The following CC2D1A variants were observed in gnomAD, a reference collection of about 807,000 sequenced individuals.
CC2D1A encodes coiled-coil and C2 domain-containing protein 1A.
In CC2D1A, 68 loss-of-function variants were observed where a neutral mutation model predicts 123.8. That is an observed-to-expected ratio of 0.55 (90% CI 0.45 to 0.67). CC2D1A has a LOEUF of 0.67. CC2D1A is among the 30% of genes least tolerant of loss of function. The pLI, the probability that CC2D1A is intolerant of heterozygous loss-of-function variation, is 0.00. For missense variants in CC2D1A, 1,185 were observed against 1,290.3 expected, an observed-to-expected ratio of 0.92 and a Z score of 1.25; for synonymous variants, 477 against 528.0, an observed-to-expected ratio of 0.90 and a Z score of 1.32.
Position 13,906,953 on chromosome 19 carries a change from A to G in CC2D1A, c.60+452A>G, listed in dbSNP as rs1568400023. On this transcript the variant is annotated intron_variant, in intron 1 of 28. Coordinates refer to ENST00000318003, the MANE Select transcript of CC2D1A (RefSeq NM_017721.5). This position sits in a 1 kb window ranked among gnomAD's most constrained non-coding sequence, Gnocchi z 4.1. The stretch of plus-strand genomic sequence containing the variant: ...TGGCACTGTGGCTGGACCCCTTCTC[A>G]CTCTCCCGACTTCTTTGCCCCAGGC... 6.6e-6 allele frequency among the ~76,000 whole-genome samples: 1 copy of G among 151,572 alleles called. No individual in the cohort carries two copies. The highest frequency in any genetic ancestry group is 2.4e-5 in the African/African-American group (1 of 41,184).
At chr19:13,927,443 T>A in intron 22 of CC2D1A, 178 bp downstream of exon 22, 1 of 604,762 alleles carries the variant, frequency 1.7e-6, no homozygotes, top group Admixed American at 2.8e-5. Context: ...CACTCCATTA[T>A]GATCAACTGG....
chr19:13,911,411 G>T (rs1391069361), intron 2 of CC2D1A, among the ~76,000 whole-genome samples: 1 of 152,186 alleles, frequency 6.6e-6, no homozygotes, highest in Non-Finnish European at 1.5e-5. Flanking sequence ...ACCTACCTAT[G>T]AAGGAGGAAC....
chr19:13,927,831 T>C, intron 22 of CC2D1A, 62 bp from the exon 23 acceptor site: 3 of 1,533,466 alleles, frequency 2.0e-6, no homozygotes. Flanking sequence ...TCCCTTGTCC[T>C]GGCCCTGGGC....
intron 24 of CC2D1A, among the ~76,000 whole-genome samples, chr19:13,928,529 C>T (rs1971738173): frequency 6.6e-6 from 1 of 151,676 alleles, no homozygotes; most frequent in African/African-American, 2.4e-5. Context: ...CTCTGCCCAC[C>T]TCTGATTCCT....
At position 13,928,023 on chromosome 19, in the gene CC2D1A, T is replaced by C. The variant is rs748880599; in HGVS notation, c.2447T>C (p.Val816Ala). ...WLVIDPVPAA[V>A]PTQVAGPKGK... ...GTCATTGACCCTGTGCCGGCAGCTG[T>C]GCCCACAGTGAGACCCCCCACCCCC... The change falls in exon 23 of 29, where the codon GTG becomes GCG. Residue 816 changes from valine (V) to alanine (A), a missense_variant. Coordinates refer to ENST00000318003, the MANE Select transcript of CC2D1A (RefSeq NM_017721.5). 2.3e-5 allele frequency: 37 copies of C among 1,613,410 alleles called. No homozygotes were observed. The highest frequency in any genetic ancestry group is 3.0e-5 in the Non-Finnish European group (35 of 1,179,804).
rs113178790 is a variant in CC2D1A, at chr19:13,923,290, T to C, written c.1642-43T>C. 6,122 of 1,574,782 alleles carry C rather than the reference T, an allele frequency of 3.9e-3. 185 individuals carry two copies. The African/African-American group carries it at 0.067, about 17-fold the overall frequency. ...ATTTCTGCAGAGCCCTAGGTGGGCC[T>C]GCTTGTCCTCCTTACCCCCGCCACC... On this transcript the variant is annotated intron_variant, in intron 14 of 28. Coordinates refer to ENST00000318003, the MANE Select transcript of CC2D1A (RefSeq NM_017721.5). The surrounding 1 kb of genome is among the most constrained non-coding windows in gnomAD (Gnocchi z 5.3).
intron 17 of CC2D1A, among the ~76,000 whole-genome samples, chr19:13,924,750 C>T (rs1300723226): frequency 2.0e-5 from 3 of 152,260 alleles, no homozygotes; most frequent in East Asian, 1.9e-4. Flanking sequence ...TGAGCCACTG[C>T]GTCCGGCCCA....
In CC2D1A at chr19:13,918,447, A is replaced by G; in HGVS notation, c.874-57A>G. ...GCATGGAAGGGCCCGGAGGCTCCCC[A>G]CAGGGTCCAAGCCCCCAACTGCACC... On this transcript the variant is annotated intron_variant, in intron 7 of 28. Coordinates refer to ENST00000318003, the MANE Select transcript of CC2D1A (RefSeq NM_017721.5). The G allele has an allele frequency of 3.3e-6, 5 of 1,532,070 alleles. No homozygotes were observed. In the East Asian group the frequency reaches 9.1e-5, roughly 28 times the overall value. 94.9% of individuals were successfully genotyped at this position (1,532,070 alleles called of 1,614,324 possible). A position where few individuals can be genotyped will look rare whatever the true frequency, so the allele number is the denominator to read the frequency against.
Position 13,919,274 on chromosome 19 carries a change from C to A in CC2D1A, c.1222+72C>A, listed in dbSNP as rs1971324370. 3.2e-6 allele frequency: 4 copies of A among 1,232,678 alleles called. No individual in the cohort carries two copies. In the South Asian group the frequency reaches 5.7e-5, roughly 18 times the overall value. The allele number at this position is 1,232,678 out of a possible 1,614,324, so 76.4% of individuals were successfully genotyped here. Reference sequence around the variant, plus strand: ...TAGGCCCCGCCCCCAGAGGCCCCGCCGCTGGCAGGCTGTGCCCCAAGCTCC... The same window carrying A: ...TAGGCCCCGCCCCCAGAGGCCCCGCAGCTGGCAGGCTGTGCCCCAAGCTCC... On this transcript the variant is annotated intron_variant, in intron 11 of 28. Coordinates refer to ENST00000318003, the MANE Select transcript of CC2D1A (RefSeq NM_017721.5).
Position 13,930,852 on chromosome 19 carries a change from T to C in CC2D1A, c.*457T>C, listed in dbSNP as rs1971888758. 1 of 186,170 alleles carries C rather than the reference T, an allele frequency of 5.4e-6. No homozygotes were observed. 11.5% of individuals were successfully genotyped at this position (186,170 alleles called of 1,614,324 possible). A position where few individuals can be genotyped will look rare whatever the true frequency, so the allele number is the denominator to read the frequency against. ...CAGCTGGGTCCCCAGGGCCAGCACA[T>C]GGAATAAAATAGCCAGGGCCACACT... On this transcript the variant is annotated 3_prime_UTR_variant, in exon 29 of 29. Transcript: ENST00000318003. This position sits in a 1 kb window ranked among gnomAD's most constrained non-coding sequence, Gnocchi z 6.8.
chr19:13,919,233 G>GTAGGC, intron 11 of CC2D1A, 31 bp downstream of exon 11: 1 of 1,556,268 alleles, frequency 6.4e-7, no homozygotes, highest in Non-Finnish European at 8.7e-7. Context: ...CCTCGCCCCA[G>GTAGGC]TAGGCCCCGC....
rs199683318 is a variant in CC2D1A, at chr19:13,928,006, C to G, written c.2430C>G (p.Asp810Glu). ...ETTTERWLVI[D>E]PVPAAVPTQV... is the part of the protein sequence containing the mutation. The stretch of plus-strand genomic sequence containing the variant: ...CGACAGAGAGGTGGCTGGTCATTGA[C>G]CCTGTGCCGGCAGCTGTGCCCACAG... Residue 810 changes from aspartate to glutamate, a missense_variant, in exon 23 of 29, where the codon GAC becomes GAG. Transcript: ENST00000318003. 794 of 1,613,724 alleles carry G rather than the reference C, an allele frequency of 4.9e-4. No individual in the cohort carries two copies. The African/African-American group carries it at 7.7e-3, about 16-fold the overall frequency.
At chr19:13,928,449 C>A (rs1599409213) in intron 24 of CC2D1A, among the ~76,000 whole-genome samples, 1 of 152,048 alleles carries the variant, frequency 6.6e-6, no homozygotes, top group Non-Finnish European at 1.5e-5. Flanking sequence ...ATAGTTTTCA[C>A]TGGCCTCTGG....
In CC2D1A at chr19:13,913,281, G is replaced by A. The variant is rs770210376; in HGVS notation, c.492G>A (p.Arg164=). 1.1e-5 allele frequency: 17 copies of A among 1,613,168 alleles called. No individual in the cohort carries two copies. In the South Asian group the frequency reaches 1.6e-4, roughly 16 times the overall value. ...AAGCTGGAGACAGCGCCAAGATGCG[G>A]CGCTACGATCGGGGGCTTAAAGTAA... is the stretch of plus-strand genomic sequence containing the variant. The part of the protein sequence containing the change: ...ARQAGDSAKM[R]RYDRGLKTLE... Residue 164 remains arginine, a synonymous_variant, in exon 5 of 29, where the codon CGG becomes CGA. Coordinates refer to ENST00000318003, the MANE Select transcript of CC2D1A (RefSeq NM_017721.5).
At chr19:13,918,357 G>A (rs184862450) in intron 7 of CC2D1A, 147 bp from the exon 8 acceptor site, 74 of 1,082,672 alleles carry the variant, frequency 6.8e-5, no homozygotes, top group Middle Eastern at 2.1e-4. Context: ...AAATGGGCAC[G>A]TGTGTTGGAA....
chr19:13,909,679 T>C (rs983554943), intron 1 of CC2D1A, 144 bp from the exon 2 acceptor site: 31 of 1,087,780 alleles, frequency 2.8e-5, no homozygotes, highest in Non-Finnish European at 4.4e-5. Flanking sequence ...CTGGGCTTGT[T>C]CCAGCCTCCT....
chr19:13,918,021 A>T, intron 6 of CC2D1A, 49 bp from the exon 7 acceptor site: 2 of 1,595,158 alleles, frequency 1.3e-6, no homozygotes, highest in Non-Finnish European at 1.7e-6. Flanking sequence ...TTACACGGTG[A>T]ACTTGGCCCA....
chr19:13,918,144 A>G lies in CC2D1A; in HGVS notation c.823A>G (p.Lys275Glu), dbSNP rs1971272970. Reference sequence around the variant, plus strand: ...CTACAAGCTGGCTGCCCTCCACGCCAAGCAGCAGGGAGATACCACTGCTGC... The same window carrying G: ...CTACAAGCTGGCTGCCCTCCACGCCGAGCAGCAGGGAGATACCACTGCTGC... Reference protein sequence around the residue: ...RDYKLAALHAKQQGDTTAAAR... With the variant: ...RDYKLAALHAEQQGDTTAAAR... The change falls in exon 7 of 29, where the codon AAG (lysine) becomes GAG (glutamate). Residue 275 changes from lysine (K) to glutamate (E), a missense_variant. Coordinates refer to ENST00000318003, the MANE Select transcript of CC2D1A (RefSeq NM_017721.5). 1 of 1,610,414 alleles carries G rather than the reference A, an allele frequency of 6.2e-7. No individual in the cohort carries two copies. The highest frequency in any genetic ancestry group is 1.1e-5 in the South Asian group (1 of 90,826).
Position 13,906,722 on chromosome 19 carries a change from C to T in CC2D1A, c.60+221C>T, listed in dbSNP as rs1599371453. 6.6e-6 allele frequency among the ~76,000 whole-genome samples: 1 copy of T among 152,352 alleles called. No homozygotes were observed. The highest frequency in any genetic ancestry group is 1.9e-4 in the East Asian group (1 of 5,178). Reference sequence around the variant, plus strand: ...GCCCCGGGTTCGGGGCCACCTGTTGCCACAGCTGCTCCAGTCGAGGAGGGG... The same window carrying T: ...GCCCCGGGTTCGGGGCCACCTGTTGTCACAGCTGCTCCAGTCGAGGAGGGG... On this transcript the variant is annotated intron_variant, in intron 1 of 28. Coordinates refer to ENST00000318003, the MANE Select transcript of CC2D1A (RefSeq NM_017721.5). This position sits in a 1 kb window ranked among gnomAD's most constrained non-coding sequence, Gnocchi z 4.1.
Sources: gnomAD v4.1 joint callset for allele counts (sites outside exome capture counted in the v4.1 genomes callset) on GRCh38, gnomAD v4.1.1 for gene constraint, Gnocchi (gnomAD v3.1) non-coding constraint, MANE v1.5 for transcripts, NCBI Gene and HGNC (gene_info 2026-07-23, HGNC 2026-07-21) for gene names.